MAPKAP1: variants seen among roughly 807,000 people sequenced by gnomAD.
MAPKAP1 encodes MAPK associated protein 1, also known as target of rapamycin complex 2 subunit MAPKAP1.
MAPKAP1 carries 20 observed loss-of-function variants against 65.7 expected under a neutral mutation model. The observed-to-expected ratio is 0.30, with a 90% CI of 0.21 to 0.44. The LOEUF (loss-of-function observed/expected upper bound fraction) is 0.44, where lower values mean the gene tolerates loss of function less well. Among genes scored for constraint, MAPKAP1 ranks in the 20% least tolerant of loss-of-function variants. The probability of loss-of-function intolerance (pLI) is 1.00; values close to 1 mark genes in which losing one functional copy is unlikely to be tolerated. For synonymous variants in MAPKAP1, 222 were observed against 244.3 expected, an observed-to-expected ratio of 0.91 and a Z score of 0.85; for missense variants, 423 against 648.0, an observed-to-expected ratio of 0.65 and a Z score of 3.77.
intron 8 of MAPKAP1, among the ~76,000 whole-genome samples, chr9:125,485,812 G>A (rs1463294915): frequency 1.3e-5 from 2 of 152,160 alleles, no homozygotes; most frequent in Non-Finnish European, 2.9e-5. Flanking sequence ...TCCTAGCTCT[G>A]CCTCTAATTT....
chr9:125,652,400 T>C (rs1162430941), intron 4 of MAPKAP1: 3 of 456,136 alleles, frequency 6.6e-6, no homozygotes, highest in South Asian at 1.2e-4. Context: ...ATATTTCCCC[T>C]GATACATTTT....
intron 7 of MAPKAP1, among the ~76,000 whole-genome samples, chr9:125,508,709 G>A (rs987044254): frequency 5.3e-5 from 8 of 152,120 alleles, no homozygotes; most frequent in African/African-American, 1.7e-4. Context: ...TTTTAAATTA[G>A]CTGGGTGTGG....
At chr9:125,590,645 C>T (rs1287277794) in intron 4 of MAPKAP1, among the ~76,000 whole-genome samples, 3 of 151,356 alleles carry the variant, frequency 2.0e-5, no homozygotes, top group African/African-American at 4.9e-5. Flanking sequence ...AGTCAAACTC[C>T]GTCTCAAGAA....
chr9:125,497,430 A>G (rs1390885433), intron 8 of MAPKAP1, among the ~76,000 whole-genome samples: 3 of 152,232 alleles, frequency 2.0e-5, no homozygotes, highest in African/African-American at 7.2e-5. Context: ...CACCAGACTT[A>G]ATGAATAAAA....
At chr9:125,506,227 G>T in intron 8 of MAPKAP1, 83 bp downstream of exon 8, 1 of 1,186,212 alleles carries the variant, frequency 8.4e-7, no homozygotes, top group South Asian at 1.2e-5. Context: ...AGGGAAACCA[G>T]ACCAGTGAGC....
chr9:125,585,799 G>C, intron 4 of MAPKAP1, 72 bp from the exon 5 acceptor site: 1 of 1,457,716 alleles, frequency 6.9e-7, no homozygotes, highest in Non-Finnish European at 9.5e-7. Flanking sequence ...CTCCAGGCCT[G>C]TGGGCAGCAC....
At chr9:125,688,478 T>C (rs1835057465) in intron 1 of MAPKAP1, among the ~76,000 whole-genome samples, 1 of 152,008 alleles carries the variant, frequency 6.6e-6, no homozygotes, top group South Asian at 2.1e-4. Flanking sequence ...GTACCAAACA[T>C]GAGGATAATG....
At position 125,585,602 on chromosome 9, in the gene MAPKAP1, C is replaced by A. The variant is rs746312500; in HGVS notation, c.624G>T (p.Gly208=). 5.0e-6 allele frequency: 8 copies of A among 1,614,256 alleles called. No homozygotes were observed. In the East Asian group the frequency reaches 1.3e-4, roughly 27 times the overall value. The change falls in exon 5 of 12, where the codon GGG becomes GGT. Residue 208 remains glycine (G), a synonymous_variant. Transcript: ENST00000265960. ...MASARVQDLI[G]LICWQYTSEG... ...CGCTTGTATACTGCCAGCAGATGAG[C>A]CCGATCAGGTCCTGCACCCTGGCGC...
intron 4 of MAPKAP1, among the ~76,000 whole-genome samples, chr9:125,587,471 CAGG>C (rs1225924454): frequency 6.6e-6 from 1 of 152,066 alleles, no homozygotes. Flanking sequence ...GAGGCTGAGG[CAGG>C]AGAACTGCTT....
intron 8 of MAPKAP1, among the ~76,000 whole-genome samples, chr9:125,496,632 G>A (rs1854960980): frequency 1.3e-5 from 2 of 152,110 alleles, no homozygotes; most frequent in Admixed American, 6.5e-5. Context: ...ACACGCAGGA[G>A]GAAGAATCAG....
intron 10 of MAPKAP1, among the ~76,000 whole-genome samples, chr9:125,448,283 T>A (rs1316956595): frequency 2.6e-5 from 4 of 152,170 alleles, no homozygotes; most frequent in Admixed American, 2.6e-4. Flanking sequence ...ATAATCAGAA[T>A]TCACACTTTC....
intron 5 of MAPKAP1, among the ~76,000 whole-genome samples, chr9:125,576,010 A>G (rs1215035172): frequency 6.6e-6 from 1 of 152,210 alleles, no homozygotes; most frequent in African/African-American, 2.4e-5. Flanking sequence ...TTACTTAACA[A>G]CAGTGAGAAA....
At chr9:125,506,228 A>G (rs749732519) in intron 8 of MAPKAP1, 82 bp downstream of exon 8, 1 of 1,190,148 alleles carries the variant, frequency 8.4e-7, no homozygotes, top group Non-Finnish European at 1.3e-6. Flanking sequence ...GGGAAACCAG[A>G]CCAGTGAGCG....
At chr9:125,606,511 T>C (rs1832442912) in intron 4 of MAPKAP1, among the ~76,000 whole-genome samples, 1 of 152,154 alleles carries the variant, frequency 6.6e-6, no homozygotes, top group Non-Finnish European at 1.5e-5. Context: ...CTATAAAGGA[T>C]TTTAGCCCCT....
chr9:125,483,724 G>A (rs138231028), intron 9 of MAPKAP1, among the ~76,000 whole-genome samples: 118 of 152,296 alleles, frequency 7.7e-4, no homozygotes, highest in African/African-American at 2.7e-3. Flanking sequence ...TTGGGCATGA[G>A]ACTTGACTGC....
intron 5 of MAPKAP1, among the ~76,000 whole-genome samples, chr9:125,580,683 A>AT (rs1831595622): frequency 2.7e-5 from 1 of 37,104 alleles, no homozygotes; most frequent in African/African-American, 6.5e-5. Context: ...TTAAAAGTAT[A>AT]AAAAAAAAAA....
rs1588086250 is a variant in MAPKAP1 at position 125,696,465 on chromosome 9, C to CT, written c.-70+10505_-70+10506insA. On this transcript the variant is annotated intron_variant, in intron 1 of 11. Transcript: ENST00000265960. ...CAAACAAACAAAAAAACAAATAAAA[C>CT]AACAACAACAACAAAACAAAAAAAT... The CT allele has an allele frequency of 2.8e-5, 4 of 145,346 alleles. No individual in the cohort carries two copies. In the East Asian group the frequency reaches 8.0e-4, roughly 29 times the overall value. The allele number at this position is 145,346 out of a possible 1,614,324, so 9.0% of individuals were successfully genotyped here. A position where few individuals can be genotyped will look rare whatever the true frequency, so the allele number is the denominator to read the frequency against.
chr9:125,473,078 C>CTT (rs77182446), intron 9 of MAPKAP1, among the ~76,000 whole-genome samples: 44 of 133,298 alleles, frequency 3.3e-4, no homozygotes, highest in African/African-American at 8.8e-4. Flanking sequence ...TTCAGCAGAA[C>CTT]TTTTTTTTTT....
At chr9:125,681,558 C>G (rs1204355500) in intron 1 of MAPKAP1, among the ~76,000 whole-genome samples, 2 of 152,112 alleles carry the variant, frequency 1.3e-5, no homozygotes, top group Non-Finnish European at 2.9e-5. Context: ...CTCGAAATGC[C>G]TCAGAATCTT....
Sources: gnomAD v4.1 joint callset for allele counts (sites outside exome capture counted in the v4.1 genomes callset) on GRCh38, gnomAD v4.1.1 for gene constraint, MANE v1.5 for transcripts, NCBI Gene and HGNC (gene_info 2026-07-23, HGNC 2026-07-21) for gene names.